NTAQ1: variants seen among roughly 807,000 people sequenced by gnomAD.
The protein encoded by NTAQ1 is N-terminal glutamine amidase 1.
Under a neutral mutation model 28.2 loss-of-function variants are expected in NTAQ1, and 21 were observed. The observed-to-expected ratio is 0.74, with a 90% confidence interval of 0.53 to 1.07. The LOEUF (loss-of-function observed/expected upper bound fraction) is 1.07. NTAQ1 is among the 50% of genes least tolerant of loss of function. The probability of loss-of-function intolerance (pLI) is 0.00; values close to 1 mark genes in which losing one functional copy is unlikely to be tolerated. For missense variants in NTAQ1, 264 were observed against 256.6 expected (o/e 1.03, Z -0.20); for synonymous variants, 105 against 90.0 (o/e 1.17, Z -0.94).
chr8:123,421,364 G>A (rs754406156), intron 1 of NTAQ1, among the ~76,000 whole-genome samples: 6 of 152,284 alleles, frequency 3.9e-5, no homozygotes, highest in Admixed American at 6.5e-5. Context: ...ACAGATGTGA[G>A]CTACTGCACC....
At chr8:123,441,073 ACT>A (rs990758726) in intron 5 of NTAQ1, among the ~76,000 whole-genome samples, 7 of 150,904 alleles carry the variant, frequency 4.6e-5, no homozygotes, top group Admixed American at 1.3e-4. Context: ...TGGAGCTCTG[ACT>A]CTCTGTGTAG....
At chr8:123,470,926 T>C (rs1448083776), downstream of NTAQ1, among the ~76,000 whole-genome samples, 1 of 150,924 alleles carries the variant, frequency 6.6e-6, no homozygotes, top group African/African-American at 2.4e-5. Flanking sequence ...TTCTTTTTTT[T>C]TTTTCTTTTT....
At chr8:123,444,108 C>G (rs1321393004), downstream of NTAQ1, among the ~76,000 whole-genome samples, 2 of 149,350 alleles carry the variant, frequency 1.3e-5, no homozygotes, top group Non-Finnish European at 3.0e-5. Context: ...GGTCAGATTT[C>G]TTTCTCTTAA....
chr8:123,434,195 A>G (rs961234768), intron 3 of NTAQ1, among the ~76,000 whole-genome samples: 1 of 152,140 alleles, frequency 6.6e-6, no homozygotes, highest in Non-Finnish European at 1.5e-5. Context: ...GTTCTCCACA[A>G]TATCCTGCAG....
At chr8:123,450,652 C>T (rs1815463481), downstream of NTAQ1, among the ~76,000 whole-genome samples, 1 of 152,166 alleles carries the variant, frequency 6.6e-6, no homozygotes, top group Non-Finnish European at 1.5e-5. Flanking sequence ...TCGATCCATC[C>T]CTTGGTTCAT....
intron 1 of NTAQ1, among the ~76,000 whole-genome samples, chr8:123,421,391 A>C (rs925497307): frequency 6.6e-6 from 1 of 152,130 alleles, no homozygotes; most frequent in African/African-American, 2.4e-5. Context: ...GACTTTAAGA[A>C]TAGTCATTCT....
chr8:123,433,636 CG>C (rs1240010872), intron 3 of NTAQ1, among the ~76,000 whole-genome samples: 1 of 151,948 alleles, frequency 6.6e-6, no homozygotes, highest in Non-Finnish European at 1.5e-5. Flanking sequence ...TTAGTAGAGA[CG>C]GGGTCTCACT....
downstream of NTAQ1, among the ~76,000 whole-genome samples, chr8:123,449,151 A>G (rs1815391272): frequency 6.6e-6 from 1 of 152,196 alleles, no homozygotes; most frequent in African/African-American, 2.4e-5. Flanking sequence ...TCCGTAGAAC[A>G]GTGGACAGCA....
At chr8:123,419,090 T>TG (rs1813500124) in intron 1 of NTAQ1, among the ~76,000 whole-genome samples, 1 of 2,718 alleles carries the variant, frequency 3.7e-4, no homozygotes, top group African/African-American at 8.1e-4. Flanking sequence ...GGTTTTTTTT[T>TG]TTTTTTTTTT....
At chr8:123,459,872 G>C (rs1815768515) in intron 6 of NTAQ1, among the ~76,000 whole-genome samples, 1 of 143,866 alleles carries the variant, frequency 7.0e-6, no homozygotes, top group Non-Finnish European at 1.5e-5. Flanking sequence ...CACGATCTCA[G>C]CTCACCGCAA....
intron 1 of NTAQ1, among the ~76,000 whole-genome samples, chr8:123,427,247 CTTTTTTTTT>C (rs33920843): frequency 1.2e-5 from 1 of 81,600 alleles, no homozygotes; most frequent in Non-Finnish European, 2.2e-5. Flanking sequence ...ATGGTCAAAG[CTTTTTTTTT>C]TTTTTTTTTT....
intron 6 of NTAQ1, among the ~76,000 whole-genome samples, chr8:123,465,713 C>G (rs1247701244): frequency 1.3e-5 from 2 of 149,954 alleles, no homozygotes; most frequent in South Asian, 2.1e-4. Context: ...TCCTGAGTAG[C>G]TGGGATTACA....
downstream of NTAQ1, among the ~76,000 whole-genome samples, chr8:123,474,524 G>A (rs930361835): frequency 2.0e-5 from 3 of 152,126 alleles, no homozygotes; most frequent in Non-Finnish European, 2.9e-5. Context: ...TTGATCTCTG[G>A]GTTAAAGTGG....
chr8:123,429,346 AT>A (rs1362420663), intron 2 of NTAQ1, among the ~76,000 whole-genome samples: 1 of 152,198 alleles, frequency 6.6e-6, no homozygotes, highest in East Asian at 1.9e-4. Context: ...CTTCCTCTTC[AT>A]TCATTCCTTC....
chr8:123,416,732 C>T, upstream of NTAQ1: 1 of 1,023,184 alleles, frequency 9.8e-7, no homozygotes, highest in Non-Finnish European at 1.3e-6. Context: ...GGCCCTCTCC[C>T]CCCGGGCTCC....
At chr8:123,421,169 G>A (rs1353426803) in intron 1 of NTAQ1, among the ~76,000 whole-genome samples, 3 of 151,648 alleles carry the variant, frequency 2.0e-5, no homozygotes, top group East Asian at 3.9e-4. Flanking sequence ...CTGCAGCCTC[G>A]ACCTGGTGTC....
chr8:123,441,223 CT>C, intron 5 of NTAQ1, 82 bp from the exon 6 acceptor site: 1 of 1,043,482 alleles, frequency 9.6e-7, no homozygotes, highest in Non-Finnish European at 1.4e-6. Context: ...ATTTTACCTA[CT>C]TTTGGTCTTC....
intron 5 of NTAQ1, among the ~76,000 whole-genome samples, chr8:123,439,322 G>C (rs1814904782): frequency 6.7e-6 from 1 of 150,276 alleles, no homozygotes; most frequent in South Asian, 2.1e-4. Flanking sequence ...GGGATTACAG[G>C]CATACACCAT....
At chr8:123,420,380 A>G (rs1026471439) in intron 1 of NTAQ1, among the ~76,000 whole-genome samples, 2 of 152,132 alleles carry the variant, frequency 1.3e-5, no homozygotes, top group Non-Finnish European at 2.9e-5. Flanking sequence ...TGATGAACAT[A>G]TATGTGCATG....
Sources: allele counts gnomAD v4.1 joint callset (sites outside exome capture counted in the v4.1 genomes callset), GRCh38; gene constraint gnomAD v4.1.1; transcripts MANE v1.5; gene names NCBI Gene and HGNC (gene_info 2026-07-23, HGNC 2026-07-21).